The following SHLD1 variants were observed in gnomAD, a reference collection of about 807,000 sequenced individuals.
The protein encoded by SHLD1 is shieldin complex subunit 1.
A neutral mutation model predicts 5.5 loss-of-function variants in SHLD1; 3 were observed. The ratio of observed to expected loss-of-function variants is 0.54; its 90% CI spans 0.25 to 1.40. The LOEUF is 1.40. Ranked by LOEUF, SHLD1 falls within the 40% of genes most tolerant of loss-of-function variation. The pLI is 0.15. For synonymous variants in SHLD1, 92 were observed against 94.3 expected, an observed-to-expected ratio of 0.98 and a Z score of 0.14; for missense variants, 210 against 244.4, an observed-to-expected ratio of 0.86 and a Z score of 0.94.
At chr20:5,831,886 T>C (rs1251256178) in intron 2 of SHLD1, among the ~76,000 whole-genome samples, 1 of 152,182 alleles carries the variant, frequency 6.6e-6, no homozygotes, top group Non-Finnish European at 1.5e-5. Flanking sequence ...TTTTTTTTCT[T>C]CTTTGGCTTT....
intron 2 of SHLD1, among the ~76,000 whole-genome samples, chr20:5,840,770 T>C (rs182652587): frequency 5.9e-5 from 9 of 152,242 alleles, no homozygotes; most frequent in Non-Finnish European, 1.2e-4. Flanking sequence ...TTCCTTAATA[T>C]GTCTTTTTGC....
chr20:5,854,180 A>G (rs144440475), intron 2 of SHLD1, among the ~76,000 whole-genome samples: 7 of 151,898 alleles, frequency 4.6e-5, no homozygotes, highest in African/African-American at 1.7e-4. Flanking sequence ...TAATTTTTGT[A>G]TTTGTAGTAC....
At chr20:5,800,301 T>C (rs906447014) in intron 2 of SHLD1, among the ~76,000 whole-genome samples, 3 of 152,238 alleles carry the variant, frequency 2.0e-5, no homozygotes, top group Non-Finnish European at 2.9e-5. Context: ...ATTTGTGCCT[T>C]TTTTCCTATA....
chr20:5,767,495 T>C (rs968765744), intron 1 of SHLD1, among the ~76,000 whole-genome samples: 90 of 152,268 alleles, frequency 5.9e-4, no homozygotes, highest in African/African-American at 2.1e-3. Context: ...ATTCTTAATC[T>C]CTCTGAATCT....
chr20:5,822,602 A>C (rs1600156099), intron 2 of SHLD1, among the ~76,000 whole-genome samples: 1 of 151,948 alleles, frequency 6.6e-6, no homozygotes, highest in East Asian at 1.9e-4. Context: ...TCCTTATCGT[A>C]CCTGAGAAGC....
intron 1 of SHLD1, among the ~76,000 whole-genome samples, chr20:5,763,762 G>A (rs1266067091): frequency 6.6e-6 from 1 of 151,870 alleles, no homozygotes; most frequent in African/African-American, 2.4e-5. Context: ...CTTCTAAACT[G>A]ATTGAGACCT....
chr20:5,780,768 C>T (rs1160674596), intron 2 of SHLD1, among the ~76,000 whole-genome samples: 4 of 152,192 alleles, frequency 2.6e-5, no homozygotes, highest in African/African-American at 7.2e-5. Flanking sequence ...AGGATTGCTC[C>T]TCATTCCCAG....
In SHLD1 at chr20:5,786,343, G is replaced by A. The variant is rs112010547; in HGVS notation, c.178+13300G>A. Among the ~76,000 whole-genome samples the A allele has an allele frequency of 1.0e-2, 1,521 of 152,256 alleles. 13 individuals are homozygous for A. Among genetic ancestry groups the A allele is most frequent in the African/African-American group, 0.015 (632 of 41,544 alleles). ...TGTGATCCCAGCACTTTGGGAAGCC[G>A]AGACGGGAGGTTCGCTTGAAGCCAG... On this transcript the variant is annotated intron_variant, in intron 2 of 2. Coordinates refer to ENST00000303142, the MANE Select transcript of SHLD1 (RefSeq NM_152504.4).
Position 5,764,133 on chromosome 20 carries a change from A to AT in SHLD1, c.-4-8729_-4-8728insT, listed in dbSNP as rs1374831062. ...CAGAGCAAGGCTCTGTCTCAAAAAA[A>AT]AAAAAAATATATATATATTTATATT... On this transcript the variant is annotated intron_variant, in intron 1 of 2. Transcript: ENST00000303142. Among the ~76,000 whole-genome samples, 613 of 87,280 alleles carry AT rather than the reference A, an allele frequency of 7.0e-3. 26 individuals carry two copies. The highest frequency in any genetic ancestry group is 0.032 in the African/African-American group (571 of 17,850). 57.3% of individuals were successfully genotyped at this position (87,280 alleles called of 152,430 possible).
chr20:5,850,406 G>A (rs1035022976), intron 2 of SHLD1, among the ~76,000 whole-genome samples: 1 of 151,830 alleles, frequency 6.6e-6, no homozygotes, highest in Admixed American at 6.6e-5. Flanking sequence ...GCATTCTCAT[G>A]TCTGCACCTA....
At chr20:5,847,809 A>G (rs2087950024) in intron 2 of SHLD1, among the ~76,000 whole-genome samples, 1 of 152,198 alleles carries the variant, frequency 6.6e-6, no homozygotes, top group African/African-American at 2.4e-5. Context: ...TTCTACAACC[A>G]TTTTGGAGAG....
chr20:5,846,583 C>A (rs1271173066), intron 2 of SHLD1, among the ~76,000 whole-genome samples: 2 of 152,306 alleles, frequency 1.3e-5, no homozygotes, highest in East Asian at 3.9e-4. Flanking sequence ...TTAAAAACCA[C>A]TGGGGAAAAA....
intron 2 of SHLD1, among the ~76,000 whole-genome samples, chr20:5,839,074 G>A (rs939732487): frequency 6.6e-6 from 1 of 152,186 alleles, no homozygotes; most frequent in African/African-American, 2.4e-5. Context: ...TATTAGAAAT[G>A]GAGTAGATGC....
chr20:5,803,124 C>T (rs1246289668), intron 2 of SHLD1, among the ~76,000 whole-genome samples: 1 of 152,166 alleles, frequency 6.6e-6, no homozygotes, highest in African/African-American at 2.4e-5. Context: ...GCCTTGTGAA[C>T]ACATTTGTTC....
At chr20:5,759,190 T>G (rs1984317864) in intron 1 of SHLD1, among the ~76,000 whole-genome samples, 1 of 151,864 alleles carries the variant, frequency 6.6e-6, no homozygotes, top group Non-Finnish European at 1.5e-5. Flanking sequence ...CCTGACCTCG[T>G]GATCCGCCCA....
intron 2 of SHLD1, among the ~76,000 whole-genome samples, chr20:5,859,935 C>A (rs1402945420): frequency 6.6e-6 from 1 of 152,132 alleles, no homozygotes; most frequent in Non-Finnish European, 1.5e-5. Flanking sequence ...AATTTTAAAT[C>A]CTGCATATCA....
chr20:5,815,594 TG>T (rs1265568845), intron 2 of SHLD1, among the ~76,000 whole-genome samples: 1 of 152,210 alleles, frequency 6.6e-6, no homozygotes, highest in Non-Finnish European at 1.5e-5. Context: ...AAGATGTAAC[TG>T]GGCATTGAAG....
At chr20:5,803,466 G>T (rs1375872951) in intron 2 of SHLD1, among the ~76,000 whole-genome samples, 1 of 152,188 alleles carries the variant, frequency 6.6e-6, no homozygotes, top group Non-Finnish European at 1.5e-5. Flanking sequence ...ACCAAGCCCA[G>T]TCTGTAGATC....
rs114547380 is a variant in SHLD1 at position 5,781,433 on chromosome 20, C to A, written c.178+8390C>A. Among the ~76,000 whole-genome samples the A allele has an allele frequency of 7.3e-3, 1,113 of 152,218 alleles. 15 individuals carry two copies. The highest frequency in any genetic ancestry group is 0.025 in the African/African-American group (1,023 of 41,536). On this transcript the variant is annotated intron_variant, in intron 2 of 2. Transcript: ENST00000303142. ...AAAATATAGAGTGTTCCTGGAACACCTTTTCCATAACATTCTTCTGTTTAG... is the reference window on the plus strand; with the variant it reads ...AAAATATAGAGTGTTCCTGGAACACATTTTCCATAACATTCTTCTGTTTAG...
Sources: gnomAD v4.1 joint callset for allele counts (sites outside exome capture counted in the v4.1 genomes callset) on GRCh38, gnomAD v4.1.1 for gene constraint, MANE v1.5 for transcripts, NCBI Gene and HGNC (gene_info 2026-07-23, HGNC 2026-07-21) for gene names.